Variants in LSM12 observed in about 807,000 individuals in gnomAD.
LSM12 encodes LSM12 homolog, also known as protein LSM12.
For missense variants in LSM12, 108 were observed against 238.9 expected (o/e 0.45, Z 3.61); for synonymous variants, 74 against 87.3 (o/e 0.85, Z 0.85).
At chr17:44,052,031 C>T (rs770049062) in intron 2 of LSM12, among the ~76,000 whole-genome samples, 31 of 152,026 alleles carry the variant, frequency 2.0e-4, no homozygotes, top group South Asian at 1.7e-3. Flanking sequence ...TTGTTTGAAC[C>T]GGGGAGGCGG....
intron 2 of LSM12, among the ~76,000 whole-genome samples, chr17:44,045,472 T>C (rs186691809): frequency 1.3e-5 from 2 of 152,332 alleles, no homozygotes; most frequent in East Asian, 1.9e-4. Flanking sequence ...GTTTTTTAAA[T>C]TGCTAGGAAG....
intron 2 of LSM12, among the ~76,000 whole-genome samples, chr17:44,058,102 T>C (rs1301388894): frequency 6.6e-6 from 1 of 151,402 alleles, no homozygotes; most frequent in East Asian, 1.9e-4. Context: ...CTGGGCGTGG[T>C]GGTGGGCGCC....
At chr17:44,045,806 C>CA (rs1290879490) in intron 2 of LSM12, among the ~76,000 whole-genome samples, 1 of 151,934 alleles carries the variant, frequency 6.6e-6, no homozygotes, top group East Asian at 1.9e-4. Context: ...CTCCTGAGCT[C>CA]AAACGATCCA....
chr17:44,066,919 G>C (rs372252188), upstream of LSM12, among the ~76,000 whole-genome samples: 30 of 152,348 alleles, frequency 2.0e-4, no homozygotes, highest in African/African-American at 7.0e-4. Context: ...CCACACAAGA[G>C]TTTAATGAAT....
intron 2 of LSM12, among the ~76,000 whole-genome samples, chr17:44,053,753 A>C (rs2049675858): frequency 7.6e-6 from 1 of 131,108 alleles, no homozygotes; most frequent in South Asian, 2.4e-4. Flanking sequence ...TAGATCCTTT[A>C]ATTTTCCAGC....
chr17:44,064,367 T>A (rs933124512), intron 1 of LSM12, among the ~76,000 whole-genome samples: 9 of 152,224 alleles, frequency 5.9e-5, no homozygotes, highest in African/African-American at 1.7e-4. Flanking sequence ...ACCCAGCCAG[T>A]TAATCCATTC....
chr17:44,058,229 T>A lies in LSM12; in HGVS notation c.258+5572A>T, dbSNP rs544723744. Among the ~76,000 whole-genome samples the A allele has an allele frequency of 7.7e-4, 116 of 150,758 alleles. 2 individuals are homozygous for A. The highest frequency in any genetic ancestry group is 2.8e-3 in the African/African-American group (114 of 41,008). On this transcript the variant is annotated intron_variant, in intron 2 of 4. Transcript: ENST00000293406. The stretch of plus-strand genomic sequence containing the variant: ...TCCAGCCTGGGCGACTGAGCAAGAC[T>A]CCGTCTCAAAAAAAAAATAATAAAT...
At chr17:44,051,669 C>T (rs961575685) in intron 2 of LSM12, among the ~76,000 whole-genome samples, 1 of 151,996 alleles carries the variant, frequency 6.6e-6, no homozygotes, top group African/African-American at 2.4e-5. Context: ...AAATAAATAA[C>T]AATGAATCAA....
In LSM12 at chr17:44,066,489, G is replaced by A. The variant is rs756399048; in HGVS notation, c.99C>T (p.Asp33=). 1.4e-5 allele frequency: 21 copies of A among 1,546,404 alleles called. No homozygotes were observed. The African/African-American group carries it at 2.3e-4, about 17-fold the overall frequency. The change falls in exon 1 of 5, where the codon GAC becomes GAT. Residue 33 remains aspartate, a synonymous_variant. Coordinates refer to ENST00000293406, the MANE Select transcript of LSM12 (RefSeq NM_001371445.1). ...TTAAAGCCAGCATTTTGGATTGGTA[G>A]TCAAAGGCTACCACCTCGCCCTGCA... ...QRLQGEVVAF[D]YQSKMLALKC...
chr17:44,045,000 G>C lies in LSM12; in HGVS notation c.259-4744C>G, dbSNP rs532112671. ...AGTGTAGAATGTGCCTTTTAGGCTT[G>C]GGAGGGCCACCAAGATTACTTTTTA... On this transcript the variant is annotated intron_variant, in intron 2 of 4. Coordinates refer to ENST00000293406, the MANE Select transcript of LSM12 (RefSeq NM_001371445.1). Among the ~76,000 whole-genome samples the C allele has an allele frequency of 3.3e-5, 5 of 152,216 alleles. No individual in the cohort carries two copies. The East Asian group carries it at 9.6e-4, about 29-fold the overall frequency.
At chr17:44,040,407 A>G in intron 2 of LSM12, 151 bp from the exon 3 acceptor site, 1 of 595,758 alleles carries the variant, frequency 1.7e-6, no homozygotes, top group Admixed American at 2.8e-5. Context: ...AATTTTAAAA[A>G]TCCACGACAT....
At chr17:44,040,453 C>G in intron 2 of LSM12, 197 bp from the exon 3 acceptor site, 1 of 500,994 alleles carries the variant, frequency 2.0e-6, no homozygotes, top group Non-Finnish European at 3.7e-6. Flanking sequence ...GAAAACGTTC[C>G]TTCCTTCCTT....
chr17:44,038,206 T>C (rs75650033), intron 3 of LSM12, among the ~76,000 whole-genome samples: 2 of 151,644 alleles, frequency 1.3e-5, no homozygotes. Context: ...TACAAAAAAT[T>C]AGCCGGTAGT....
chr17:44,037,172 A>G (rs1262738190), intron 4 of LSM12: 1 of 381,402 alleles, frequency 2.6e-6, no homozygotes, highest in African/African-American at 2.1e-5. Context: ...CAGTCTTCCT[A>G]ATTCCAAAAA....
At chr17:44,046,073 A>G (rs1232369285) in intron 2 of LSM12, among the ~76,000 whole-genome samples, 1 of 149,524 alleles carries the variant, frequency 6.7e-6, no homozygotes, top group Non-Finnish European at 1.5e-5. Flanking sequence ...AGTAGCTGGG[A>G]CTACAGGCGC....
intron 2 of LSM12, among the ~76,000 whole-genome samples, chr17:44,046,688 C>G (rs1231377562): frequency 8.7e-6 from 1 of 114,492 alleles, no homozygotes; most frequent in Non-Finnish European, 1.7e-5. Context: ...CCAGCCTGGG[C>G]AACAGAGCCA....
chr17:44,037,291 A>T, intron 4 of LSM12, 121 bp downstream of exon 4: 1 of 1,237,562 alleles, frequency 8.1e-7, no homozygotes, highest in Non-Finnish European at 1.1e-6. Context: ...GGGAGGCCAG[A>T]CAGGGCCTCT....
chr17:44,060,159 C>T (rs1042414422), intron 2 of LSM12, among the ~76,000 whole-genome samples: 6 of 152,012 alleles, frequency 3.9e-5, no homozygotes, highest in Non-Finnish European at 8.8e-5. Context: ...AGCAAGACTT[C>T]GTCTCAAAAA....
chr17:44,060,880 C>A (rs2049786587), intron 2 of LSM12, among the ~76,000 whole-genome samples: 1 of 152,178 alleles, frequency 6.6e-6, no homozygotes, highest in African/African-American at 2.4e-5. Context: ...AATGGTGGCA[C>A]TCATTGGTCA....
Sources: gnomAD v4.1 joint callset for allele counts (sites outside exome capture counted in the v4.1 genomes callset) on GRCh38, gnomAD v4.1.1 for gene constraint, MANE v1.5 for transcripts, NCBI Gene and HGNC (gene_info 2026-07-23, HGNC 2026-07-21) for gene names.